DAB1: variants seen among roughly 807,000 people sequenced by gnomAD.
DAB1 encodes the protein DAB adaptor protein 1, also known as disabled homolog 1.
DAB1 carries 15 observed loss-of-function variants against 64.6 expected under a neutral mutation model. The observed-to-expected ratio is 0.23, with a 90% CI of 0.16 to 0.36. The LOEUF (loss-of-function observed/expected upper bound fraction) is 0.36. Ranked by LOEUF, DAB1 falls within the 10% of genes least tolerant of loss-of-function variation. The pLI, the probability that DAB1 is intolerant of heterozygous loss-of-function variation, is 1.00. For missense variants in DAB1, 596 were observed against 706.7 expected, an observed-to-expected ratio of 0.84 and a Z score of 1.78; for synonymous variants, 235 against 251.9, an observed-to-expected ratio of 0.93 and a Z score of 0.64.
At chr1:57,029,028 C>T (rs1180793047) in intron 9 of DAB1, among the ~76,000 whole-genome samples, 1 of 152,190 alleles carries the variant, frequency 6.6e-6, no homozygotes, top group East Asian at 1.9e-4. Context: ...TGTCTCCAGG[C>T]CATGTCAGAG....
intron 6 of DAB1, among the ~76,000 whole-genome samples, chr1:57,807,143 C>T (rs755802577): frequency 6.6e-6 from 1 of 152,210 alleles, no homozygotes; most frequent in Non-Finnish European, 1.5e-5. Flanking sequence ...AGTCCATTCT[C>T]CATGTTTACA....
At chr1:58,124,297 G>T (rs142249602) in intron 5 of DAB1, among the ~76,000 whole-genome samples, 2 of 151,808 alleles carry the variant, frequency 1.3e-5, no homozygotes, top group African/African-American at 4.8e-5. Flanking sequence ...TTAAGCACCA[G>T]CACTCTAAAT....
chr1:58,184,236 T>C (rs1452864635), intron 4 of DAB1, among the ~76,000 whole-genome samples: 1 of 150,862 alleles, frequency 6.6e-6, no homozygotes, highest in East Asian at 1.9e-4. Context: ...CATTCTTCAA[T>C]ATCAGTTTTA....
chr1:58,307,848 C>A (rs1662342095), intron 4 of DAB1, among the ~76,000 whole-genome samples: 1 of 152,006 alleles, frequency 6.6e-6, no homozygotes, highest in South Asian at 2.1e-4. Context: ...GAGCTGCAGA[C>A]TTGGCCAGGG....
intron 1 of DAB1, among the ~76,000 whole-genome samples, chr1:57,345,805 C>A (rs1678032854): frequency 6.6e-6 from 1 of 152,122 alleles, no homozygotes. Flanking sequence ...GGTGCCTATG[C>A]AACTTATGCA....
chr1:57,453,844 C>G (rs1686483243), intron 7 of DAB1, among the ~76,000 whole-genome samples: 1 of 152,072 alleles, frequency 6.6e-6, no homozygotes, highest in Non-Finnish European at 1.5e-5. Flanking sequence ...GTAGACATTA[C>G]TTCTTTTTTT....
At chr1:57,629,788 G>A (rs1276413195) in intron 7 of DAB1, among the ~76,000 whole-genome samples, 1 of 150,010 alleles carries the variant, frequency 6.7e-6, no homozygotes, top group African/African-American at 2.4e-5. Context: ...CCAGAAGGAG[G>A]CCTTCTAGAC....
At chr1:58,479,319 A>G (rs957671941) in intron 3 of DAB1, among the ~76,000 whole-genome samples, 1 of 152,230 alleles carries the variant, frequency 6.6e-6, no homozygotes, top group Non-Finnish European at 1.5e-5. Flanking sequence ...TATGGAGAAT[A>G]GTTAATATGA....
intron 2 of DAB1, among the ~76,000 whole-genome samples, chr1:57,237,502 C>T (rs1041381184): frequency 2.6e-5 from 4 of 152,196 alleles, no homozygotes; most frequent in African/African-American, 9.7e-5. Context: ...ATGTCACTCC[C>T]ATTTTCTACT....
At chr1:57,079,906 C>G (rs988059110) in intron 4 of DAB1, among the ~76,000 whole-genome samples, 1 of 152,162 alleles carries the variant, frequency 6.6e-6, no homozygotes, top group Non-Finnish European at 1.5e-5. Context: ...AGAGACCCCT[C>G]AGTTTGCCAT....
chr1:57,378,195 T>C (rs987730998), intron 1 of DAB1, among the ~76,000 whole-genome samples: 1 of 152,114 alleles, frequency 6.6e-6, no homozygotes, highest in Non-Finnish European at 1.5e-5. Context: ...TCCAACTCTC[T>C]CAAGAGAACT....
At chr1:57,100,451 C>T (rs1474388802) in intron 4 of DAB1, among the ~76,000 whole-genome samples, 1 of 152,112 alleles carries the variant, frequency 6.6e-6, no homozygotes, top group Non-Finnish European at 1.5e-5. Flanking sequence ...GGTTAATACC[C>T]AGTCTCCATC....
rs1645687366 is a variant in DAB1, at chr1:56,997,802, C to A, written c.*342G>T. The A allele has an allele frequency of 6.6e-6, 1 of 152,200 alleles. No individual in the cohort carries two copies. The highest frequency in any genetic ancestry group is 2.1e-4 in the South Asian group (1 of 4,824). The allele number at this position is 152,200 out of a possible 1,614,324, so 9.4% of individuals were successfully genotyped here. ...TAAAAAGGGAATTAATAATTTTGCA[C>A]ACTGAGTCATCTTAAACCCAGCTAT... On this transcript the variant is annotated 3_prime_UTR_variant, in exon 15 of 15. Coordinates refer to ENST00000371236, the MANE Select transcript of DAB1 (RefSeq NM_001365792.1).
chr1:58,518,989 T>C (rs1646217191), intron 2 of DAB1, among the ~76,000 whole-genome samples: 1 of 152,172 alleles, frequency 6.6e-6, no homozygotes, highest in African/African-American at 2.4e-5. Context: ...GAAAGCAGAT[T>C]CTCAAACTTG....
intron 3 of DAB1, among the ~76,000 whole-genome samples, chr1:57,139,758 C>T (rs1406936303): frequency 6.6e-6 from 1 of 152,026 alleles, no homozygotes; most frequent in Admixed American, 6.6e-5. Context: ...TACTAAGGCC[C>T]CCTTTGCTTG....
rs140528373 is a variant in DAB1 at position 57,264,062 on chromosome 1, T to C, written c.67+26902A>G. On this transcript the variant is annotated intron_variant, in intron 2 of 14. Transcript: ENST00000371236. ...CTTGTGTATGAATATCTTCCATATA[T>C]ATCATGCTATACTCTTGACTTTTTG... Among the ~76,000 whole-genome samples the C allele has an allele frequency of 2.5e-4, 38 of 152,346 alleles. No homozygotes were observed. The East Asian group carries it at 6.4e-3, about 26-fold the overall frequency.
At chr1:57,877,545 A>AT (rs58070219) in intron 1 of DAB1, among the ~76,000 whole-genome samples, 3,669 of 65,032 alleles carry the variant, frequency 0.056, 1,074 homozygotes, top group African/African-American at 0.29. Context: ...TAATTGATTT[A>AT]TTTTTTTTTT....
chr1:57,415,280 C>CACACACACACACAT (rs1369470024), intron 1 of DAB1, among the ~76,000 whole-genome samples: 18 of 145,380 alleles, frequency 1.2e-4, no homozygotes, highest in Admixed American at 1.2e-3. Flanking sequence ...CACACACACA[C>CACACACACACACAT]ATATATGCAC....
At chr1:57,367,472 T>C (rs966981613) in intron 1 of DAB1, among the ~76,000 whole-genome samples, 1 of 152,108 alleles carries the variant, frequency 6.6e-6, no homozygotes, top group African/African-American at 2.4e-5. Context: ...TCCTCCTCTG[T>C]AAAATGAAGG....
Sources: allele counts gnomAD v4.1 joint callset (sites outside exome capture counted in the v4.1 genomes callset), GRCh38; gene constraint gnomAD v4.1.1; transcripts MANE v1.5; gene names NCBI Gene and HGNC (gene_info 2026-07-23, HGNC 2026-07-21).